Variants in FER observed in about 807,000 individuals in gnomAD.
The protein encoded by FER is tyrosine-protein kinase Fer.
A neutral mutation model predicts 111.0 loss-of-function variants in FER; 63 were observed. That is an observed-to-expected ratio of 0.57 (90% CI 0.46 to 0.70). The LOEUF is 0.70. Ranked by LOEUF, FER falls within the 30% of genes least tolerant of loss-of-function variation. FER has a pLI of 0.00. For missense variants in FER, 914 were observed against 954.0 expected (o/e 0.96, Z 0.55); for synonymous variants, 327 against 313.9 (o/e 1.04, Z -0.44).
At chr5:108,751,630 C>T (rs1005353216) in intron 1 of FER, among the ~76,000 whole-genome samples, 1 of 152,112 alleles carries the variant, frequency 6.6e-6, no homozygotes, top group African/African-American at 2.4e-5. Context: ...AATCTTATGT[C>T]TGTTCATTTG....
At chr5:109,123,425 G>A (rs760096433) in intron 17 of FER, among the ~76,000 whole-genome samples, 22 of 151,704 alleles carry the variant, frequency 1.5e-4, no homozygotes, top group Admixed American at 7.9e-4. Context: ...AAAGTGCTGG[G>A]ATTACAGGTG....
At chr5:109,186,363 C>T in intron 19 of FER, 41 bp downstream of exon 19, 1 of 1,613,806 alleles carries the variant, frequency 6.2e-7, no homozygotes, top group South Asian at 1.1e-5. Flanking sequence ...ATGTCCAGCC[C>T]CAGGGGTAGG....
intron 13 of FER, among the ~76,000 whole-genome samples, chr5:109,030,881 CT>C (rs2149860082): frequency 6.6e-6 from 1 of 152,286 alleles, no homozygotes; most frequent in Non-Finnish European, 1.5e-5. Context: ...GCCAATGCAA[CT>C]GAGCTGCCTT....
At chr5:108,949,520 TC>T (rs957522441) in intron 11 of FER, among the ~76,000 whole-genome samples, 8 of 152,252 alleles carry the variant, frequency 5.3e-5, no homozygotes, top group African/African-American at 1.9e-4. Flanking sequence ...ATGTAATTTT[TC>T]TTAAAGGACT....
chr5:109,044,613 C>T, intron 14 of FER, 67 bp from the exon 15 acceptor site: 2 of 754,064 alleles, frequency 2.7e-6, no homozygotes, highest in Non-Finnish European at 4.3e-6. Flanking sequence ...TGGTACCTTT[C>T]CTTGTATTTG....
chr5:109,168,380 C>A (rs1380188239), intron 17 of FER, among the ~76,000 whole-genome samples: 1 of 152,108 alleles, frequency 6.6e-6, no homozygotes, highest in East Asian at 1.9e-4. Context: ...CAAGGCATGA[C>A]TGGAGGGTTG....
At chr5:109,095,185 C>G (rs539930118) in intron 16 of FER, among the ~76,000 whole-genome samples, 1 of 152,008 alleles carries the variant, frequency 6.6e-6, no homozygotes, top group African/African-American at 2.4e-5. Flanking sequence ...ATTAGGAAAC[C>G]CACACATTCA....
chr5:108,783,219 A>G (rs1754297712), intron 2 of FER, among the ~76,000 whole-genome samples: 2 of 152,136 alleles, frequency 1.3e-5, no homozygotes, highest in Admixed American at 1.3e-4. Flanking sequence ...CATTGACTGT[A>G]TCCTGTGTCA....
intron 13 of FER, among the ~76,000 whole-genome samples, chr5:109,028,430 T>A (rs1769095758): frequency 6.6e-6 from 1 of 152,244 alleles, no homozygotes; most frequent in South Asian, 2.1e-4. Context: ...TAAAATTGAT[T>A]GCATCATTAT....
chr5:108,775,871 C>T (rs533347312), intron 2 of FER, among the ~76,000 whole-genome samples: 2 of 152,200 alleles, frequency 1.3e-5, no homozygotes, highest in East Asian at 1.9e-4. Context: ...AAAAAGACCT[C>T]GCTTTGTATT....
chr5:108,919,662 A>G (rs865856350), intron 10 of FER, among the ~76,000 whole-genome samples: 50 of 152,198 alleles, frequency 3.3e-4, no homozygotes, highest in African/African-American at 1.2e-3. Context: ...CCAGCCTTTC[A>G]GACAAGAACA....
chr5:109,054,352 T>C (rs1284977382), intron 16 of FER, among the ~76,000 whole-genome samples: 2 of 152,350 alleles, frequency 1.3e-5, no homozygotes, highest in East Asian at 3.9e-4. Flanking sequence ...ATTGTGATTT[T>C]AATTTGCCCT....
chr5:108,870,323 C>T (rs1463302984), intron 6 of FER, among the ~76,000 whole-genome samples: 2 of 152,044 alleles, frequency 1.3e-5, no homozygotes, highest in Non-Finnish European at 2.9e-5. Flanking sequence ...ATGATCTCCA[C>T]ATTACACCTA....
intron 2 of FER, among the ~76,000 whole-genome samples, chr5:108,779,916 T>C (rs1753869534): frequency 6.6e-6 from 1 of 152,208 alleles, no homozygotes; most frequent in Non-Finnish European, 1.5e-5. Flanking sequence ...CTCCATCCTT[T>C]GTACCATTGC....
At chr5:108,972,320 C>T (rs938283819) in intron 13 of FER, among the ~76,000 whole-genome samples, 1 of 152,000 alleles carries the variant, frequency 6.6e-6, no homozygotes, top group Admixed American at 6.6e-5. Context: ...TTGGACTGGT[C>T]TCTTCAACCC....
intron 17 of FER, among the ~76,000 whole-genome samples, chr5:109,143,544 T>C (rs1369686124): frequency 6.6e-6 from 1 of 152,006 alleles, no homozygotes; most frequent in Non-Finnish European, 1.5e-5. Flanking sequence ...CATCACTTCC[T>C]CAGAGGCCTT....
chr5:108,966,354 T>C (rs1414659679), intron 13 of FER, among the ~76,000 whole-genome samples: 2 of 151,940 alleles, frequency 1.3e-5, no homozygotes, highest in Non-Finnish European at 2.9e-5. Context: ...CATTTCATCA[T>C]TTTAAAGTAT....
chr5:108,973,209 T>C (rs183157825), intron 13 of FER, among the ~76,000 whole-genome samples: 1 of 152,300 alleles, frequency 6.6e-6, no homozygotes, highest in East Asian at 1.9e-4. Context: ...TTGTTTTCAC[T>C]TTAAAAAACA....
intron 1 of FER, among the ~76,000 whole-genome samples, chr5:108,755,487 TTTG>T (rs1750986579): frequency 6.6e-6 from 1 of 152,242 alleles, no homozygotes; most frequent in African/African-American, 2.4e-5. Context: ...TCAGGGTTTT[TTTG>T]TTGTTGTTTT....
Sources: allele counts gnomAD v4.1 joint callset (sites outside exome capture counted in the v4.1 genomes callset), GRCh38; gene constraint gnomAD v4.1.1; transcripts MANE v1.5; gene names NCBI Gene and HGNC (gene_info 2026-07-23, HGNC 2026-07-21).